FOXP2: variants seen among roughly 807,000 people sequenced by gnomAD.
FOXP2 encodes the protein forkhead box P2, also known as forkhead box protein P2.
A neutral mutation model predicts 115.8 loss-of-function variants in FOXP2; 12 were observed. The ratio of observed to expected loss-of-function variants is 0.10; its 90% CI spans 0.07 to 0.17. The LOEUF is 0.17. Ranked by LOEUF, FOXP2 falls within the 10% of genes least tolerant of loss-of-function variation. FOXP2 has a pLI of 1.00. For missense variants in FOXP2, 629 were observed against 843.5 expected, an observed-to-expected ratio of 0.75 and a Z score of 3.15; for synonymous variants, 328 against 297.7, an observed-to-expected ratio of 1.10 and a Z score of -1.05.
chr7:114,669,294 C>CATTAACCTTTATT (rs1563070574), intron 16 of FOXP2: 1 of 151,874 alleles, frequency 6.6e-6, no homozygotes, highest in African/African-American at 2.4e-5. Flanking sequence ...TAAAGCCAGG[C>CATTAACCTTTATT]GACATTGTAT....
intron 3 of FOXP2, among the ~76,000 whole-genome samples, chr7:114,599,494 A>T (rs1185080297): frequency 6.6e-6 from 1 of 152,146 alleles, no homozygotes; most frequent in Non-Finnish European, 1.5e-5. Context: ...GGACGTTTCT[A>T]AATCAATTTA....
intron 2 of FOXP2, among the ~76,000 whole-genome samples, chr7:114,480,619 A>G (rs560009042): frequency 2.7e-3 from 402 of 150,482 alleles, no homozygotes; most frequent in Non-Finnish European, 4.5e-3. Flanking sequence ...ATATAAACAT[A>G]TATACATGTA....
At chr7:114,316,601 G>T (rs961978368) in intron 2 of FOXP2, among the ~76,000 whole-genome samples, 1 of 152,102 alleles carries the variant, frequency 6.6e-6, no homozygotes, top group Admixed American at 6.6e-5. Flanking sequence ...TCGTATGGTG[G>T]CTTTATAGTA....
chr7:114,096,188 C>T (rs757195380), intron 1 of FOXP2, among the ~76,000 whole-genome samples: 4 of 152,034 alleles, frequency 2.6e-5, no homozygotes, highest in African/African-American at 4.8e-5. Context: ...CAAGGAAAGC[C>T]GGGGATAATA....
At chr7:114,626,492 G>A (rs192570940) in intron 3 of FOXP2, among the ~76,000 whole-genome samples, 3 of 151,604 alleles carry the variant, frequency 2.0e-5, no homozygotes, top group Non-Finnish European at 1.5e-5. Flanking sequence ...AGAAAAGTGC[G>A]ACAAGCTTCT....
At chr7:114,368,306 A>G (rs1791927303) in intron 2 of FOXP2, among the ~76,000 whole-genome samples, 1 of 152,296 alleles carries the variant, frequency 6.6e-6, no homozygotes, top group East Asian at 1.9e-4. Flanking sequence ...CTATTTTAAA[A>G]TCCCCTGATT....
chr7:114,601,481 C>A (rs754294002), intron 3 of FOXP2, among the ~76,000 whole-genome samples: 2 of 151,912 alleles, frequency 1.3e-5, no homozygotes, highest in Admixed American at 6.6e-5. Context: ...TTTTAAATTT[C>A]ATTAATTTCT....
At chr7:114,362,561 C>G (rs1357719240) in intron 2 of FOXP2, among the ~76,000 whole-genome samples, 1 of 151,964 alleles carries the variant, frequency 6.6e-6, no homozygotes, top group Non-Finnish European at 1.5e-5. Flanking sequence ...AATTTAAACA[C>G]TGGAGATGAG....
rs1186878356 is a variant in FOXP2, at chr7:114,414,947, A to G, written c.-424A>G. The G allele has an allele frequency of 9.9e-6, 4 of 405,350 alleles. No individual in the cohort carries two copies. The highest frequency in any genetic ancestry group is 1.5e-5 in the Non-Finnish European group (3 of 201,624). 25.1% of individuals were successfully genotyped at this position (405,350 alleles called of 1,614,324 possible). On this transcript the variant is annotated 5_prime_UTR_variant, in exon 1 of 17. Transcript: ENST00000350908. ...GCACACACACACATACACACACACA[A>G]AAATGAAGCACTTACTTTAGAAAGA...
intron 3 of FOXP2, among the ~76,000 whole-genome samples, chr7:114,552,129 A>G (rs758367419): frequency 1.3e-5 from 2 of 152,210 alleles, no homozygotes; most frequent in African/African-American, 2.4e-5. Flanking sequence ...CAGGCTAGAA[A>G]TGTATGTAGT....
intron 8 of FOXP2, among the ~76,000 whole-genome samples, chr7:114,649,978 A>G (rs1389549370): frequency 2.0e-5 from 3 of 152,154 alleles, no homozygotes; most frequent in African/African-American, 7.2e-5. Flanking sequence ...CAACACTTTA[A>G]AAACCTTTCG....
intron 2 of FOXP2, among the ~76,000 whole-genome samples, chr7:114,347,129 A>G (rs1430898887): frequency 1.3e-5 from 2 of 152,016 alleles, no homozygotes; most frequent in African/African-American, 4.8e-5. Context: ...ATTTAAACCA[A>G]GTAATATTTT....
chr7:114,565,929 A>G (rs1360197698), intron 3 of FOXP2, among the ~76,000 whole-genome samples: 1 of 152,160 alleles, frequency 6.6e-6, no homozygotes, highest in Non-Finnish European at 1.5e-5. Flanking sequence ...GTTTTCAAGT[A>G]TGATTTCTCT....
intron 1 of FOXP2, among the ~76,000 whole-genome samples, chr7:114,138,200 CAGT>C (rs1341858222): frequency 2.0e-5 from 3 of 152,154 alleles, no homozygotes; most frequent in Admixed American, 2.0e-4. Flanking sequence ...CCTACTCCTT[CAGT>C]GTGTGCTGTG....
At chr7:114,677,010 C>CA (rs1807806416) in intron 16 of FOXP2, among the ~76,000 whole-genome samples, 1 of 151,564 alleles carries the variant, frequency 6.6e-6, no homozygotes, top group East Asian at 1.9e-4. Context: ...ACTAAAAATA[C>CA]AAAAAATTAG....
chr7:114,510,949 C>G (rs1798039146), intron 2 of FOXP2, among the ~76,000 whole-genome samples: 1 of 152,144 alleles, frequency 6.6e-6, no homozygotes, highest in African/African-American at 2.4e-5. Context: ...AGACTTGGAA[C>G]CAACCCAAAT....
At chr7:114,289,777 A>G (rs1796548796) in intron 2 of FOXP2, among the ~76,000 whole-genome samples, 1 of 151,972 alleles carries the variant, frequency 6.6e-6, no homozygotes, top group Non-Finnish European at 1.5e-5. Context: ...AATATTTTTA[A>G]ACAAACACTA....
intron 1 of FOXP2, among the ~76,000 whole-genome samples, chr7:114,090,188 A>G (rs1018135129): frequency 6.6e-6 from 1 of 151,936 alleles, no homozygotes; most frequent in African/African-American, 2.4e-5. Context: ...TTAACTTGTA[A>G]GAAGAGAATG....
chr7:114,558,313 A>T (rs1020032660), intron 3 of FOXP2, among the ~76,000 whole-genome samples: 1 of 152,214 alleles, frequency 6.6e-6, no homozygotes, highest in Non-Finnish European at 1.5e-5. Flanking sequence ...TGCATTCTTC[A>T]TAGTTACTTC....
Sources: allele counts gnomAD v4.1 joint callset (sites outside exome capture counted in the v4.1 genomes callset), GRCh38; gene constraint gnomAD v4.1.1; transcripts MANE v1.5; gene names NCBI Gene and HGNC (gene_info 2026-07-23, HGNC 2026-07-21).